Variants in ZNF410 observed in about 807,000 individuals in gnomAD.
ZNF410 encodes another partner for ARF 1.
ZNF410 carries 18 observed loss-of-function variants against 54.8 expected under a neutral mutation model. The observed-to-expected ratio is 0.33, with a 90% CI of 0.23 to 0.49. The LOEUF (loss-of-function observed/expected upper bound fraction) is 0.49, where lower values mean the gene tolerates loss of function less well. Among genes scored for constraint, ZNF410 ranks in the 20% least tolerant of loss-of-function variants. The pLI, the probability that ZNF410 is intolerant of heterozygous loss-of-function variation, is 0.99. For synonymous variants in ZNF410, 191 were observed against 207.3 expected (o/e 0.92, Z 0.68); for missense variants, 405 against 569.6 (o/e 0.71, Z 2.94).
chr14:73,889,783 T>A (rs1481227634), intron 1 of ZNF410, among the ~76,000 whole-genome samples: 2 of 149,704 alleles, frequency 1.3e-5, no homozygotes, highest in South Asian at 2.1e-4. Flanking sequence ...ATTTATATCT[T>A]GTAAATGGTT....
At chr14:73,926,463 C>T (rs11850816) in intron 11 of ZNF410, among the ~76,000 whole-genome samples, 1,691 of 152,026 alleles carry the variant, frequency 0.011, 27 homozygotes, top group African/African-American at 0.039. Context: ...GACTGAGTCT[C>T]ACTCTGTGGC....
intron 1 of ZNF410, among the ~76,000 whole-genome samples, chr14:73,889,684 G>A (rs2055195994): frequency 6.6e-6 from 1 of 151,956 alleles, no homozygotes; most frequent in Admixed American, 6.6e-5. Context: ...ATATGAAACT[G>A]TTGCAGTGCT....
rs181599436 is a variant in ZNF410, at chr14:73,912,315, G to A, written c.1003+2885G>A. On this transcript the variant is annotated intron_variant, in intron 8 of 11. Coordinates refer to ENST00000555044, the MANE Select transcript of ZNF410 (RefSeq NM_021188.3). ...CACCCGAGTAGCTGGTATTACAGGC[G>A]CGTGCCACCACGCCCGACTAATTTT... Among the ~76,000 whole-genome samples the A allele has an allele frequency of 1.8e-3, 270 of 151,908 alleles. 2 individuals are homozygous for A. Among genetic ancestry groups the A allele is most frequent in the African/African-American group, 5.9e-3 (246 of 41,400 alleles).
intron 11 of ZNF410, among the ~76,000 whole-genome samples, chr14:73,925,376 C>CGTCGAA (rs1168675377): frequency 1.3e-5 from 2 of 151,292 alleles, no homozygotes; most frequent in Non-Finnish European, 2.9e-5. Flanking sequence ...GATAAACCCA[C>CGTCGAA]GTCGAAGTCG....
rs2055238033 is a variant in ZNF410 at position 73,892,031 on chromosome 14, C to T, written c.-145C>T. On this transcript the variant is annotated 5_prime_UTR_variant, in exon 2 of 12. Transcript: ENST00000555044. The stretch of plus-strand genomic sequence containing the variant: ...TCTTTTTTACCCCTATTCTAGGTTA[C>T]ATTGATTACCCACCTAGTACAACAT... 1.1e-6 allele frequency: 1 copy of T among 909,800 alleles called. No individual in the cohort carries two copies. The highest frequency in any genetic ancestry group is 1.8e-6 in the Non-Finnish European group (1 of 545,896). 56.4% of individuals were successfully genotyped at this position (909,800 alleles called of 1,614,324 possible).
rs769693607 is a variant in ZNF410 at position 73,927,850 on chromosome 14, A to ATTTTTT, written c.1399-3652_1399-3647dup. 11 of 135,242 alleles carry ATTTTTT rather than the reference A, an allele frequency of 8.1e-5. 1 individual carries two copies. Among genetic ancestry groups the ATTTTTT allele is most frequent in the East Asian group, 4.3e-4 (2 of 4,650 alleles). 8.4% of individuals were successfully genotyped at this position (135,242 alleles called of 1,614,324 possible). ...ACCGGCAATTTTTTTTTTTTTTTTA[A>ATTTTTT]TTTTTTAGACGGAGTCTCACTCTGT... On this transcript the variant is annotated intron_variant, in intron 11 of 11. Coordinates refer to ENST00000555044, the MANE Select transcript of ZNF410 (RefSeq NM_021188.3).
In ZNF410 at chr14:73,931,701, T is replaced by C; in HGVS notation, c.*160T>C. On this transcript the variant is annotated 3_prime_UTR_variant, in exon 12 of 12. Transcript: ENST00000555044. ...TCTTTCCTGGTATAGAAGATGGATG[T>C]AGGAGAGCTTCTTTTCTAACTACCA... 1 of 659,228 alleles carries C rather than the reference T, an allele frequency of 1.5e-6. No individual in the cohort carries two copies. The highest frequency in any genetic ancestry group is 2.9e-5 in the East Asian group (1 of 34,270). 40.8% of individuals were successfully genotyped at this position (659,228 alleles called of 1,614,324 possible).
At chr14:73,887,541 C>T (rs1032767550) in intron 1 of ZNF410, 3 of 152,076 alleles carry the variant, frequency 2.0e-5, no homozygotes, top group Non-Finnish European at 4.4e-5. Flanking sequence ...TAAAGTTTAT[C>T]CCACTTGATC....
intron 11 of ZNF410, among the ~76,000 whole-genome samples, chr14:73,924,550 C>T (rs936955246): frequency 1.3e-5 from 2 of 152,216 alleles, no homozygotes; most frequent in Non-Finnish European, 2.9e-5. Context: ...GGTCTTGTGT[C>T]ATGGGAGTGG....
At position 73,931,639 on chromosome 14, in the gene ZNF410, C is replaced by G. The variant is rs1594773080; in HGVS notation, c.*98C>G. The G allele has an allele frequency of 1.8e-5, 20 of 1,126,950 alleles. No homozygotes were observed. Among genetic ancestry groups the G allele is most frequent in the Non-Finnish European group, 2.6e-5 (20 of 757,358 alleles). The allele number at this position is 1,126,950 out of a possible 1,614,324, so 69.8% of individuals were successfully genotyped here. A position where few individuals can be genotyped will look rare whatever the true frequency, so the allele number is the denominator to read the frequency against. ...AGCCCACAACAGAACCAGAATGAATCTTTGAAGGCACAAGACTCTGCTTTT... is the reference window on the plus strand; with the variant it reads ...AGCCCACAACAGAACCAGAATGAATGTTTGAAGGCACAAGACTCTGCTTTT... On this transcript the variant is annotated 3_prime_UTR_variant, in exon 12 of 12. Transcript: ENST00000555044.
intron 8 of ZNF410, chr14:73,913,287 G>A (rs1378697733): frequency 6.6e-6 from 1 of 152,026 alleles, no homozygotes; most frequent in East Asian, 1.9e-4. Context: ...AAAAGAACAA[G>A]TTTTCCTCTG....
In ZNF410 at chr14:73,921,213, A is replaced by G. The variant is rs1283895431; in HGVS notation, c.1129+108A>G. 2.8e-6 allele frequency: 4 copies of G among 1,453,734 alleles called. No individual in the cohort carries two copies. The Admixed American group carries it at 8.3e-5, about 30-fold the overall frequency. The allele number at this position is 1,453,734 out of a possible 1,614,324, so 90.1% of individuals were successfully genotyped here. A position where few individuals can be genotyped will look rare whatever the true frequency, so the allele number is the denominator to read the frequency against. On this transcript the variant is annotated intron_variant, in intron 9 of 11. Coordinates refer to ENST00000555044, the MANE Select transcript of ZNF410 (RefSeq NM_021188.3). The stretch of plus-strand genomic sequence containing the variant: ...AATTTTCTGATTCTGTTTTGGGTAG[A>G]TAGACCTGGTCTCATTTGATGGGCT...
chr14:73,902,778 G>A (rs1451416234), intron 5 of ZNF410, among the ~76,000 whole-genome samples: 1 of 152,114 alleles, frequency 6.6e-6, no homozygotes, highest in Non-Finnish European at 1.5e-5. Flanking sequence ...ACCACCACCT[G>A]CTAATCTGGA....
chr14:73,910,073 C>T (rs1284576258), intron 8 of ZNF410, among the ~76,000 whole-genome samples: 1 of 152,092 alleles, frequency 6.6e-6, no homozygotes, highest in East Asian at 1.9e-4. Context: ...CAGGGAAAAG[C>T]CTGTATCTTG....
At chr14:73,896,695 G>A in intron 4 of ZNF410, 161 bp downstream of exon 4, 4 of 623,456 alleles carry the variant, frequency 6.4e-6, no homozygotes, top group Admixed American at 3.0e-5. Context: ...AGAGGGAGAG[G>A]GAGGACTCTA....
At chr14:73,911,640 T>A (rs1162629917) in intron 8 of ZNF410, among the ~76,000 whole-genome samples, 2 of 152,238 alleles carry the variant, frequency 1.3e-5, no homozygotes, top group Admixed American at 1.3e-4. Flanking sequence ...GAAATTTTTT[T>A]TTATATAGCA....
chr14:73,924,962 C>CCACT (rs2055807688), intron 11 of ZNF410: 2 of 277,748 alleles, frequency 7.2e-6, no homozygotes, highest in Admixed American at 5.1e-5. Context: ...CAGGCGTGAG[C>CCACT]CACTGCACCC....
At chr14:73,919,256 C>G (rs1285608495) in intron 8 of ZNF410, among the ~76,000 whole-genome samples, 5 of 151,940 alleles carry the variant, frequency 3.3e-5, no homozygotes, top group Non-Finnish European at 7.4e-5. Flanking sequence ...CTCGGCCTCC[C>G]AAAGTGCTGG....
chr14:73,902,491 A>G (rs62003720), intron 5 of ZNF410, among the ~76,000 whole-genome samples: 51,013 of 151,974 alleles, frequency 0.34, 9,655 homozygotes, highest in Non-Finnish European at 0.42. Context: ...AATTAGTTTT[A>G]TGACTAGTAT....
Sources: allele counts gnomAD v4.1 joint callset (sites outside exome capture counted in the v4.1 genomes callset), GRCh38; gene constraint gnomAD v4.1.1; transcripts MANE v1.5; gene names NCBI Gene and HGNC (gene_info 2026-07-23, HGNC 2026-07-21).